SCN2A: variants seen among roughly 807,000 people sequenced by gnomAD.
SCN2A encodes the protein sodium voltage-gated channel alpha subunit 2, also known as sodium channel protein type 2 subunit alpha.
SCN2A carries 20 observed loss-of-function variants against 188.7 expected under a neutral mutation model. The ratio of observed to expected loss-of-function variants is 0.11; its 90% CI spans 0.07 to 0.15. The LOEUF is 0.15. Among genes scored for constraint, SCN2A ranks in the 10% least tolerant of loss-of-function variants. The pLI, the probability that SCN2A is intolerant of heterozygous loss-of-function variation, is 1.00. For missense variants in SCN2A, 1,278 were observed against 2,445.0 expected, an observed-to-expected ratio of 0.52 and a Z score of 10.07; for synonymous variants, 804 against 833.1, an observed-to-expected ratio of 0.97 and a Z score of 0.60.
chr2:165,265,339 G>A (rs1485184534), intron 1 of SCN2A, among the ~76,000 whole-genome samples: 1 of 148,776 alleles, frequency 6.7e-6, no homozygotes, highest in Non-Finnish European at 1.5e-5. Context: ...TTTTAATGGG[G>A]TTGTTTGTTT....
chr2:165,358,021 T>C (rs570803479), intron 17 of SCN2A, among the ~76,000 whole-genome samples: 266 of 152,174 alleles, frequency 1.7e-3, no homozygotes, highest in Non-Finnish European at 2.8e-3. Flanking sequence ...GTCAGGCAAG[T>C]CTGACAACCC....
intron 20 of SCN2A, chr2:165,372,403 A>G (rs1363620746): frequency 6.6e-6 from 1 of 152,214 alleles, no homozygotes; most frequent in African/African-American, 2.4e-5. Flanking sequence ...TAAAAGCTGT[A>G]TTGCATATTT....
At chr2:165,366,603 A>G (rs1288206913) in intron 18 of SCN2A, among the ~76,000 whole-genome samples, 2 of 151,084 alleles carry the variant, frequency 1.3e-5, no homozygotes, top group Non-Finnish European at 2.9e-5. Context: ...AATACCAGCT[A>G]CTTGGGAGGC....
At chr2:165,383,227 G>A (rs985308367) in intron 25 of SCN2A, among the ~76,000 whole-genome samples, 7 of 152,040 alleles carry the variant, frequency 4.6e-5, no homozygotes, top group African/African-American at 1.7e-4. Context: ...TTTCAGCTGT[G>A]AGAGCTGATT....
At chr2:165,339,897 C>A (rs1699215765) in intron 14 of SCN2A, among the ~76,000 whole-genome samples, 1 of 152,164 alleles carries the variant, frequency 6.6e-6, no homozygotes, top group African/African-American at 2.4e-5. Context: ...GACTTCAAGG[C>A]TTGTTATAAA....
chr2:165,295,748 T>C (rs1696471420), intron 1 of SCN2A, 25 bp from the exon 2 acceptor site: 1 of 1,603,750 alleles, frequency 6.2e-7, no homozygotes, highest in Non-Finnish European at 8.5e-7. Context: ...TGGTCATTGC[T>C]TTTTTTCCCT....
At chr2:165,291,491 T>TTTCTTTA (rs1389976633) in intron 1 of SCN2A, among the ~76,000 whole-genome samples, 2 of 38,834 alleles carry the variant, frequency 5.2e-5, no homozygotes, top group African/African-American at 1.8e-4. Context: ...TCTTTCTTTC[T>TTTCTTTA]TTTCTTTCTT....
rs1053906335 is a variant in SCN2A at position 165,327,083 on chromosome 2, A to G, written c.2149+99A>G. On this transcript the variant is annotated intron_variant, in intron 13 of 26. Coordinates refer to ENST00000375437, the MANE Select transcript of SCN2A (RefSeq NM_001040142.2). ...AAAATACTTCCTGACTTGATATTGT[A>G]TCATTATTACACATTTTACTAAATA... 1.2e-5 allele frequency: 17 copies of G among 1,393,930 alleles called. No homozygotes were observed. In the South Asian group the frequency reaches 1.5e-4, roughly 12 times the overall value. 86.3% of individuals were successfully genotyped at this position (1,393,930 alleles called of 1,614,324 possible).
chr2:165,296,956 C>A, intron 2 of SCN2A, 61 bp from the exon 3 acceptor site: 1 of 892,260 alleles, frequency 1.1e-6, no homozygotes, highest in South Asian at 1.5e-5. Flanking sequence ...TTACTTTTCT[C>A]TTAAAATATT....
chr2:165,245,476 T>A (rs1198881344), intron 1 of SCN2A: 1 of 152,250 alleles, frequency 6.6e-6, no homozygotes, highest in South Asian at 2.1e-4. Context: ...CTTTCCTTTA[T>A]AAATTACCCA....
chr2:165,336,176 G>T (rs972448314), intron 14 of SCN2A, among the ~76,000 whole-genome samples: 2 of 151,864 alleles, frequency 1.3e-5, no homozygotes, highest in Non-Finnish European at 2.9e-5. Flanking sequence ...AGTCACTTTG[G>T]ATAATAATTT....
At chr2:165,376,399 C>T (rs1701315769) in intron 22 of SCN2A, among the ~76,000 whole-genome samples, 1 of 151,560 alleles carries the variant, frequency 6.6e-6, no homozygotes, top group Non-Finnish European at 1.5e-5. Context: ...TATATAGATG[C>T]ACTAAAACTA....
chr2:165,332,972 TTTA>T (rs1345868210), intron 14 of SCN2A, among the ~76,000 whole-genome samples: 1 of 151,990 alleles, frequency 6.6e-6, no homozygotes, highest in African/African-American at 2.4e-5. Flanking sequence ...TCTATCAACT[TTTA>T]TTCTACTAAT....
rs2105373170 is a variant in SCN2A, at chr2:165,374,854, A to G, written c.4142A>G (p.Asn1381Ser). The part of the protein sequence containing the change: ...TGEMFDVSVV[N>S]NYSECKALIE... ...GAGATGTTTGATGTAAGCGTGGTCA[A>G]CAACTACAGTGAGTGCAAAGCTCTC... The change falls in exon 22 of 27, where the codon AAC becomes AGC. Residue 1381 changes from asparagine (N) to serine (S), a missense_variant. Coordinates refer to ENST00000375437, the MANE Select transcript of SCN2A (RefSeq NM_001040142.2). 1.2e-6 allele frequency: 2 copies of G among 1,613,680 alleles called. No homozygotes were observed. The highest frequency in any genetic ancestry group is 2.2e-5 in the South Asian group (2 of 91,074).
chr2:165,376,246 G>A (rs1320675540), intron 22 of SCN2A, among the ~76,000 whole-genome samples: 3 of 151,618 alleles, frequency 2.0e-5, no homozygotes, highest in African/African-American at 7.3e-5. Context: ...TACTTAGCTT[G>A]AGTTAGCCAT....
chr2:165,390,251 T>C lies in SCN2A; in HGVS notation c.*427T>C. ...GCTGTGAATTTATCACTTTTCTTTT[T>C]AATTCACAGGTTGTTTACTATTATA... is the stretch of plus-strand genomic sequence containing the variant. On this transcript the variant is annotated 3_prime_UTR_variant, in exon 27 of 27. Coordinates refer to ENST00000375437, the MANE Select transcript of SCN2A (RefSeq NM_001040142.2). 5.1e-6 allele frequency: 1 copy of C among 196,264 alleles called. No homozygotes were observed. The highest frequency in any genetic ancestry group is 5.3e-5 in the Admixed American group (1 of 18,778). The allele number at this position is 196,264 out of a possible 1,614,324, so 12.2% of individuals were successfully genotyped here.
intron 16 of SCN2A, among the ~76,000 whole-genome samples, chr2:165,346,270 G>C (rs908556856): frequency 6.6e-6 from 1 of 152,068 alleles, no homozygotes; most frequent in East Asian, 1.9e-4. Flanking sequence ...TGCTAGGTTG[G>C]GGAAGTTCTC....
rs1702116408 is a variant in SCN2A at position 165,391,388 on chromosome 2, T to G, written c.*1564T>G. ...AAATATAAATACTGTAAAAAGTTCATTTTATTTTATTTTTCAGCCTTTTGT... is the reference window on the plus strand; with the variant it reads ...AAATATAAATACTGTAAAAAGTTCAGTTTATTTTATTTTTCAGCCTTTTGT... On this transcript the variant is annotated 3_prime_UTR_variant, in exon 27 of 27. Coordinates refer to ENST00000375437, the MANE Select transcript of SCN2A (RefSeq NM_001040142.2). The G allele has an allele frequency of 6.6e-6, 1 of 152,548 alleles. No individual in the cohort carries two copies. The highest frequency in any genetic ancestry group is 6.6e-5 in the Admixed American group (1 of 15,236). The allele number at this position is 152,548 out of a possible 1,614,324, so 9.4% of individuals were successfully genotyped here.
At chr2:165,256,324 A>G (rs1694326296) in intron 1 of SCN2A, among the ~76,000 whole-genome samples, 1 of 152,088 alleles carries the variant, frequency 6.6e-6, no homozygotes, top group Admixed American at 6.6e-5. Flanking sequence ...TAATGTAAAT[A>G]CTATTCCATA....
Sources: gnomAD v4.1 joint callset for allele counts (sites outside exome capture counted in the v4.1 genomes callset) on GRCh38, gnomAD v4.1.1 for gene constraint, MANE v1.5 for transcripts, NCBI Gene and HGNC (gene_info 2026-07-23, HGNC 2026-07-21) for gene names.